Variants in DSCAM observed in about 807,000 individuals in gnomAD.
The protein encoded by DSCAM is cell adhesion molecule DSCAM.
In DSCAM, 47 loss-of-function variants were observed where a neutral mutation model predicts 217.7. The ratio of observed to expected loss-of-function variants is 0.22; its 90% CI spans 0.17 to 0.28. The LOEUF (loss-of-function observed/expected upper bound fraction) is 0.28. Ranked by LOEUF, DSCAM falls within the 10% of genes least tolerant of loss-of-function variation. The pLI is 1.00. For missense variants in DSCAM, 2,080 were observed against 2,618.3 expected (o/e 0.79, Z 4.49); for synonymous variants, 1,056 against 1,015.3 (o/e 1.04, Z -0.76).
chr21:40,628,811 G>A (rs950035319), intron 3 of DSCAM, among the ~76,000 whole-genome samples: 15 of 152,058 alleles, frequency 9.9e-5, no homozygotes, highest in African/African-American at 1.7e-4. Context: ...GCAGTGGTGC[G>A]ATCTCAGCTC....
chr21:40,098,933 T>A (rs946415491), intron 20 of DSCAM, among the ~76,000 whole-genome samples: 1 of 152,122 alleles, frequency 6.6e-6, no homozygotes, highest in Non-Finnish European at 1.5e-5. Flanking sequence ...AATTAGTCCC[T>A]CTAGAAGTTC....
intron 3 of DSCAM, among the ~76,000 whole-genome samples, chr21:40,677,067 G>GA (rs1220474904): frequency 6.6e-6 from 1 of 152,036 alleles, no homozygotes; most frequent in African/African-American, 2.4e-5. Context: ...AGCCGGGGGG[G>GA]AATCTCAGTA....
intron 3 of DSCAM, among the ~76,000 whole-genome samples, chr21:40,577,105 C>T (rs1480404305): frequency 1.3e-5 from 2 of 151,520 alleles, no homozygotes; most frequent in African/African-American, 4.8e-5. Flanking sequence ...TTCATCCATT[C>T]ATTCATATAT....
intron 3 of DSCAM, among the ~76,000 whole-genome samples, chr21:40,612,333 T>G (rs2089326959): frequency 1.3e-5 from 2 of 152,266 alleles, no homozygotes; most frequent in African/African-American, 4.8e-5. Context: ...CTTAGAAGCC[T>G]TGCAGTCCAC....
chr21:40,289,341 G>A (rs893774925), intron 10 of DSCAM, among the ~76,000 whole-genome samples: 5 of 152,152 alleles, frequency 3.3e-5, no homozygotes, highest in Non-Finnish European at 7.4e-5. Context: ...AGTGTGCATA[G>A]GTGGGTGTGG....
chr21:40,266,628 A>G (rs1231699367), intron 11 of DSCAM, among the ~76,000 whole-genome samples: 1 of 58,288 alleles, frequency 1.7e-5, no homozygotes, highest in African/African-American at 1.2e-4. Flanking sequence ...GAATGGACAA[A>G]GATGTTTTAT....
rs1009902209 is a variant in DSCAM, at chr21:40,749,389, A to C, written c.44-40618T>G. Among the ~76,000 whole-genome samples the C allele has an allele frequency of 6.6e-5, 10 of 152,168 alleles. 1 individual carries two copies. The highest frequency in any genetic ancestry group is 2.6e-4 in the Admixed American group (4 of 15,274). The stretch of plus-strand genomic sequence containing the variant: ...ACAACTCAATATCAAAAAAGCAAAT[A>C]ATTAAATTTAAAAATGGACAAAAGA... On this transcript the variant is annotated intron_variant, in intron 1 of 32. Transcript: ENST00000400454.
intron 3 of DSCAM, among the ~76,000 whole-genome samples, chr21:40,600,812 T>C (rs1272175595): frequency 2.0e-5 from 3 of 152,220 alleles, no homozygotes; most frequent in African/African-American, 7.2e-5. Flanking sequence ...CCTTTCCCCA[T>C]TGAATTGTCT....
chr21:40,747,418 T>C (rs968756670), intron 1 of DSCAM, among the ~76,000 whole-genome samples: 9 of 151,752 alleles, frequency 5.9e-5, no homozygotes, highest in East Asian at 1.9e-4. Flanking sequence ...TAAGAGCCTA[T>C]TGTAAATTTC....
chr21:40,425,965 G>A (rs2075471175), intron 3 of DSCAM, among the ~76,000 whole-genome samples: 1 of 152,150 alleles, frequency 6.6e-6, no homozygotes, highest in African/African-American at 2.4e-5. Context: ...AAAGGACAAT[G>A]AAGCTAAACT....
At chr21:40,353,357 G>T in intron 5 of DSCAM, 108 bp downstream of exon 5, 1 of 1,458,728 alleles carries the variant, frequency 6.9e-7, no homozygotes, top group Non-Finnish European at 9.3e-7. Flanking sequence ...CAGCTGGACT[G>T]TTTTGGGAGT....
At chr21:40,460,476 T>G (rs879258071) in intron 3 of DSCAM, among the ~76,000 whole-genome samples, 8 of 152,116 alleles carry the variant, frequency 5.3e-5, no homozygotes, top group Non-Finnish European at 7.4e-5. Context: ...ATAAACAACT[T>G]AGAAACTTAA....
chr21:40,176,447 C>T (rs781603987), intron 15 of DSCAM, among the ~76,000 whole-genome samples: 2 of 152,162 alleles, frequency 1.3e-5, no homozygotes, highest in African/African-American at 4.8e-5. Context: ...CACCTCAAGA[C>T]AGCTACAGCT....
At chr21:40,040,245 A>C (rs748445438) in intron 32 of DSCAM, among the ~76,000 whole-genome samples, 1 of 152,200 alleles carries the variant, frequency 6.6e-6, no homozygotes, top group Non-Finnish European at 1.5e-5. Context: ...AAATCATTTT[A>C]CTCTGAATAG....
chr21:40,129,719 T>C (rs1017789707), intron 19 of DSCAM, among the ~76,000 whole-genome samples: 6 of 152,174 alleles, frequency 3.9e-5, no homozygotes, highest in Non-Finnish European at 8.8e-5. Flanking sequence ...TGGCAGTACT[T>C]CCCAGTGTCT....
At chr21:40,648,791 C>T (rs1463899895) in intron 3 of DSCAM, among the ~76,000 whole-genome samples, 2 of 152,144 alleles carry the variant, frequency 1.3e-5, no homozygotes, top group Non-Finnish European at 2.9e-5. Flanking sequence ...TGGGGGACCA[C>T]CCACTGTATC....
intron 1 of DSCAM, among the ~76,000 whole-genome samples, chr21:40,814,425 A>C (rs1322505281): frequency 6.6e-6 from 1 of 152,260 alleles, no homozygotes; most frequent in Non-Finnish European, 1.5e-5. Flanking sequence ...AAAGGACCAA[A>C]GTGAGAAGTG....
intron 3 of DSCAM, among the ~76,000 whole-genome samples, chr21:40,570,200 G>A (rs2076795805): frequency 1.3e-5 from 2 of 152,222 alleles, no homozygotes; most frequent in South Asian, 4.1e-4. Context: ...TTGGAAAGCT[G>A]GTTACTGGTC....
intron 3 of DSCAM, among the ~76,000 whole-genome samples, chr21:40,534,568 C>G (rs536650194): frequency 1.0e-3 from 157 of 152,266 alleles, no homozygotes; most frequent in African/African-American, 3.6e-3. Flanking sequence ...CCCCAGAACT[C>G]TTGCTTCACT....
Sources: gnomAD v4.1 joint callset for allele counts (sites outside exome capture counted in the v4.1 genomes callset) on GRCh38, gnomAD v4.1.1 for gene constraint, MANE v1.5 for transcripts, NCBI Gene and HGNC (gene_info 2026-07-23, HGNC 2026-07-21) for gene names.